Variants in CMSS1 observed in about 807,000 individuals in gnomAD.
CMSS1 encodes cms1 ribosomal small subunit homolog, also known as protein CMSS1.
CMSS1 carries 33 observed loss-of-function variants against 43.5 expected under a neutral mutation model. The observed-to-expected ratio is 0.76, with a 90% CI of 0.57 to 1.01. The LOEUF is 1.01. Ranked by LOEUF, CMSS1 falls within the 50% of genes least tolerant of loss-of-function variation. The pLI is 0.00. For missense variants in CMSS1, 313 were observed against 326.4 expected (o/e 0.96, Z 0.32); for synonymous variants, 115 against 117.2 (o/e 0.98, Z 0.12).
At chr3:99,973,741 T>C (rs1018055829) in intron 1 of CMSS1, among the ~76,000 whole-genome samples, 45 of 152,296 alleles carry the variant, frequency 3.0e-4, no homozygotes, top group Non-Finnish European at 1.6e-4. Context: ...CTCACTTTTT[T>C]CCCCCAGTTT....
intron 1 of CMSS1, among the ~76,000 whole-genome samples, chr3:100,018,611 A>C (rs988726782): frequency 6.6e-6 from 1 of 152,126 alleles, no homozygotes; most frequent in Non-Finnish European, 1.5e-5. Context: ...CTAGTAGAAA[A>C]CAAAAAAAAA....
intron 1 of CMSS1, among the ~76,000 whole-genome samples, chr3:100,072,118 G>A (rs1276313114): frequency 4.6e-5 from 7 of 152,108 alleles, no homozygotes; most frequent in Non-Finnish European, 5.9e-5. Flanking sequence ...CCACTTGAGC[G>A]TTACATGGAC....
chr3:99,906,554 A>G (rs1330384345), intron 1 of CMSS1, among the ~76,000 whole-genome samples: 1 of 152,126 alleles, frequency 6.6e-6, no homozygotes. Context: ...TTAACCTTTT[A>G]TGATTGGTGA....
intron 1 of CMSS1, among the ~76,000 whole-genome samples, chr3:99,832,956 TA>T (rs776028487): frequency 3.4e-4 from 51 of 151,852 alleles, no homozygotes; most frequent in Non-Finnish European, 7.1e-4. Flanking sequence ...ATCATTTTTA[TA>T]GAGCGTTATG....
At chr3:100,011,734 C>T (rs1710162694) in intron 1 of CMSS1, 1 of 152,184 alleles carries the variant, frequency 6.6e-6, no homozygotes, top group South Asian at 2.1e-4. Context: ...ATAGGCTCCA[C>T]TTCACAGGTC....
chr3:99,838,649 G>T (rs963701055), intron 1 of CMSS1, among the ~76,000 whole-genome samples: 1 of 152,282 alleles, frequency 6.6e-6, no homozygotes, highest in East Asian at 1.9e-4. Flanking sequence ...AACTCAGTGT[G>T]TTGCCACGGA....
intron 1 of CMSS1, among the ~76,000 whole-genome samples, chr3:100,127,045 G>A (rs150415648): frequency 1.8e-4 from 27 of 152,014 alleles, no homozygotes; most frequent in African/African-American, 6.0e-4. Context: ...AGGAAAGAAA[G>A]CAGACAGGCA....
Position 99,931,105 on chromosome 3 carries a change from C to G in CMSS1, c.64+113062C>G, listed in dbSNP as rs991595809. The G allele has an allele frequency of 5.7e-6, 7 of 1,232,140 alleles. No homozygotes were observed. In the Admixed American group the frequency reaches 1.4e-4, roughly 25 times the overall value. The allele number at this position is 1,232,140 out of a possible 1,614,324, so 76.3% of individuals were successfully genotyped here. A position where few individuals can be genotyped will look rare whatever the true frequency, so the allele number is the denominator to read the frequency against. On this transcript the variant is annotated intron_variant, in intron 1 of 9. Coordinates refer to ENST00000421999, the MANE Select transcript of CMSS1 (RefSeq NM_032359.4). ...ATAAGAGTACCTATTACTGCTTTAA[C>G]AAGTCTACATTCTTGTTATATTTAC...
intron 1 of CMSS1, among the ~76,000 whole-genome samples, chr3:100,036,425 G>A (rs1372429778): frequency 1.3e-5 from 2 of 152,166 alleles, no homozygotes; most frequent in East Asian, 3.8e-4. Flanking sequence ...ACTGCCACTG[G>A]CCTAATCTGA....
At chr3:99,851,071 C>CCT (rs1428455295) in intron 1 of CMSS1, 1 of 1,572,126 alleles carries the variant, frequency 6.4e-7, no homozygotes, top group Non-Finnish European at 8.6e-7. Context: ...CTTCTTTAAT[C>CCT]TGAAAAATGT....
intron 1 of CMSS1, among the ~76,000 whole-genome samples, chr3:100,088,681 C>T (rs547907534): frequency 1.3e-5 from 2 of 152,208 alleles, no homozygotes; most frequent in Admixed American, 1.3e-4. Flanking sequence ...CTCCTCATCA[C>T]TCCCTTGAGT....
chr3:100,068,222 A>T (rs993942141), intron 1 of CMSS1, among the ~76,000 whole-genome samples: 6 of 152,250 alleles, frequency 3.9e-5, no homozygotes, highest in African/African-American at 1.4e-4. Flanking sequence ...TGACAAAGAT[A>T]CAGTGAATTA....
chr3:99,866,423 A>C (rs1944522032), intron 1 of CMSS1, among the ~76,000 whole-genome samples: 1 of 152,166 alleles, frequency 6.6e-6, no homozygotes, highest in Non-Finnish European at 1.5e-5. Context: ...AACCACAACA[A>C]CAGATGCCTA....
intron 1 of CMSS1, among the ~76,000 whole-genome samples, chr3:100,014,187 T>C (rs1340720023): frequency 6.6e-6 from 1 of 150,938 alleles, no homozygotes; most frequent in Admixed American, 6.6e-5. Flanking sequence ...AGTATTACAT[T>C]GTATATGTAT....
intron 1 of CMSS1, chr3:100,141,551 G>C (rs2066804977): frequency 2.2e-6 from 1 of 456,102 alleles, no homozygotes; most frequent in Non-Finnish European, 4.4e-6. Context: ...GTGTCTTCAA[G>C]AGTTTGTGCA....
At chr3:100,044,412 A>G (rs1253054270) in intron 1 of CMSS1, among the ~76,000 whole-genome samples, 1 of 152,246 alleles carries the variant, frequency 6.6e-6, no homozygotes, top group Non-Finnish European at 1.5e-5. Context: ...TATTTTTGAA[A>G]CAATAGGTAA....
intron 1 of CMSS1, among the ~76,000 whole-genome samples, chr3:99,872,672 G>C (rs79492083): frequency 0.022 from 3,298 of 152,060 alleles, 51 homozygotes; most frequent in Non-Finnish European, 0.036. Flanking sequence ...AGAAATGTGA[G>C]GACGGTCAGA....
chr3:100,123,436 AGT>A (rs2066637623), intron 1 of CMSS1, among the ~76,000 whole-genome samples: 1 of 152,106 alleles, frequency 6.6e-6, no homozygotes, highest in Non-Finnish European at 1.5e-5. Flanking sequence ...GGTGCTAGGG[AGT>A]GTGAGTGTTA....
At chr3:99,855,440 G>A (rs572588528) in intron 1 of CMSS1, among the ~76,000 whole-genome samples, 2 of 152,284 alleles carry the variant, frequency 1.3e-5, no homozygotes, top group African/African-American at 4.8e-5. Context: ...GCCAAGCAGT[G>A]AGCTGAGTCT....
Sources: allele counts gnomAD v4.1 joint callset (sites outside exome capture counted in the v4.1 genomes callset), GRCh38; gene constraint gnomAD v4.1.1; transcripts MANE v1.5; gene names NCBI Gene and HGNC (gene_info 2026-07-23, HGNC 2026-07-21).